CACNA1E: variants seen among roughly 807,000 people sequenced by gnomAD.
CACNA1E encodes voltage-dependent R-type calcium channel subunit alpha-1E.
CACNA1E carries 40 observed loss-of-function variants against 259.2 expected under a neutral mutation model. The ratio of observed to expected loss-of-function variants is 0.15; its 90% CI spans 0.12 to 0.20. The LOEUF is 0.20. Ranked by LOEUF, CACNA1E falls within the 10% of genes least tolerant of loss-of-function variation. CACNA1E has a pLI of 1.00. For synonymous variants in CACNA1E, 1,104 were observed against 1,138.5 expected (o/e 0.97, Z 0.61); for missense variants, 1,874 against 3,040.1 (o/e 0.62, Z 9.02).
At chr1:181,575,957 T>C (rs1217039899) in intron 3 of CACNA1E, among the ~76,000 whole-genome samples, 1 of 152,224 alleles carries the variant, frequency 6.6e-6, no homozygotes, top group African/African-American at 2.4e-5. Flanking sequence ...CTATGTTGCT[T>C]CTCGTTCTTT....
At chr1:181,491,140 T>C (rs377731589) in intron 1 of CACNA1E, among the ~76,000 whole-genome samples, 8 of 152,368 alleles carry the variant, frequency 5.3e-5, no homozygotes, top group African/African-American at 4.8e-5. Flanking sequence ...ACTAACGTCC[T>C]GGCAATTTCC....
chr1:181,572,833 A>G (rs1313155655), intron 3 of CACNA1E, among the ~76,000 whole-genome samples: 5 of 152,194 alleles, frequency 3.3e-5, no homozygotes, highest in East Asian at 3.8e-4. Context: ...GGAGAGGTGC[A>G]TGGAGTCTGG....
chr1:181,655,174 T>C (rs1005837282), intron 7 of CACNA1E, among the ~76,000 whole-genome samples: 2 of 152,074 alleles, frequency 1.3e-5, no homozygotes, highest in Non-Finnish European at 2.9e-5. Context: ...TTATTTTACT[T>C]TAATGATAAT....
At chr1:181,404,947 G>C (rs950999578) in intron 1 of CACNA1E, among the ~76,000 whole-genome samples, 2 of 152,194 alleles carry the variant, frequency 1.3e-5, no homozygotes, top group African/African-American at 4.8e-5. Flanking sequence ...CCAGCTTTGG[G>C]CTTTGTTCTT....
chr1:181,523,309 G>A (rs978293158), intron 3 of CACNA1E, among the ~76,000 whole-genome samples: 2 of 152,206 alleles, frequency 1.3e-5, no homozygotes, highest in African/African-American at 4.8e-5. Context: ...TACAAGCACT[G>A]GCTGTTTCCT....
At chr1:181,435,891 C>A (rs1660051461) in intron 2 of CACNA1E, among the ~76,000 whole-genome samples, 2 of 152,056 alleles carry the variant, frequency 1.3e-5, no homozygotes, top group South Asian at 4.1e-4. Context: ...AGATATTTTG[C>A]AATAAAATGC....
At chr1:181,751,674 G>A (rs1229854770) in intron 26 of CACNA1E, among the ~76,000 whole-genome samples, 1 of 152,196 alleles carries the variant, frequency 6.6e-6, no homozygotes, top group East Asian at 1.9e-4. Context: ...CATCAATTCA[G>A]CGAATATCAT....
chr1:181,332,773 C>T lies in CACNA1E; in HGVS notation c.-15+14650C>T, dbSNP rs116505218. ...ATTATTAACCTTTGTAGTCATAGAACCCTTTGAAAATCTGATGAAAGCTAT... is the reference window on the plus strand; with the variant it reads ...ATTATTAACCTTTGTAGTCATAGAATCCTTTGAAAATCTGATGAAAGCTAT... On this transcript the variant is annotated intron_variant, in intron 1 of 11. Coordinates refer to the CACNA1E transcript ENST00000524607. Among the ~76,000 whole-genome samples the T allele has an allele frequency of 5.4e-3, 815 of 152,204 alleles. 8 individuals are homozygous for T. Among genetic ancestry groups the T allele is most frequent in the African/African-American group, 0.018 (765 of 41,504 alleles).
chr1:181,506,897 C>T (rs557458524), intron 1 of CACNA1E, among the ~76,000 whole-genome samples: 1 of 152,234 alleles, frequency 6.6e-6, no homozygotes, highest in Non-Finnish European at 1.5e-5. Flanking sequence ...CATTCTTTCA[C>T]CTAGCCCACA....
At chr1:181,673,452 T>C (rs1262633781) in intron 7 of CACNA1E, among the ~76,000 whole-genome samples, 3 of 152,188 alleles carry the variant, frequency 2.0e-5, no homozygotes, top group Non-Finnish European at 4.4e-5. Context: ...CCCGAGGGGA[T>C]ATGGGGTGGC....
At chr1:181,739,111 T>C (rs1656326790) in intron 24 of CACNA1E, 36 bp from the exon 25 acceptor site, 8 of 1,286,796 alleles carry the variant, frequency 6.2e-6, no homozygotes, top group African/African-American at 1.5e-5. Context: ...GCCCACACTT[T>C]CTTGGCTCAC....
intron 7 of CACNA1E, among the ~76,000 whole-genome samples, chr1:181,690,408 A>G (rs1475717951): frequency 6.6e-6 from 1 of 152,132 alleles, no homozygotes; most frequent in Non-Finnish European, 1.5e-5. Context: ...GTCAGGTAGC[A>G]TGATGCCTCT....
rs200113695 is a variant in CACNA1E at position 181,796,818 on chromosome 1, G to A, written c.6359G>A (p.Arg2120Lys). The change falls in exon 47 of 48, where the codon AGG becomes AAG. Residue 2120 changes from arginine to lysine, a missense_variant. Around this residue, in one of 14 missense-constraint regions of CACNA1E, gnomAD observed 542 missense variants for 587.2 expected, o/e 0.92. Coordinates refer to ENST00000367573, the MANE Select transcript of CACNA1E (RefSeq NM_001205293.3). ...DWESPERRQS[R>K]SPSEGRSQTP... ...GAGTCCCCAGAGCGCCGTCAATCCA[G>A]GTCACCCAGTGAGGGCAGGTCACAG... The A allele has an allele frequency of 4.5e-4, 726 of 1,608,906 alleles. 7 individuals are homozygous for A. In the Middle Eastern group the frequency reaches 8.4e-3, roughly 19 times the overall value.
At chr1:181,575,024 CA>C (rs55919598) in intron 3 of CACNA1E, among the ~76,000 whole-genome samples, 63,584 of 147,424 alleles carry the variant, frequency 0.43, 14,482 homozygotes, top group East Asian at 0.66. Context: ...GACTCTGTCT[CA>C]AAAAAAAAAA....
chr1:181,630,589 G>A (rs574291085), intron 6 of CACNA1E, among the ~76,000 whole-genome samples: 49 of 152,124 alleles, frequency 3.2e-4, no homozygotes, highest in Middle Eastern at 3.4e-3. Flanking sequence ...CTGGAATCCT[G>A]AACACACTCC....
chr1:181,665,306 A>G (rs557148565), intron 7 of CACNA1E, among the ~76,000 whole-genome samples: 49 of 152,286 alleles, frequency 3.2e-4, no homozygotes, highest in African/African-American at 1.2e-3. Flanking sequence ...CATATACTCC[A>G]GGATTTGTCC....
chr1:181,674,466 G>A (rs1649167947), intron 7 of CACNA1E, among the ~76,000 whole-genome samples: 1 of 146,276 alleles, frequency 6.8e-6, no homozygotes, highest in Non-Finnish European at 1.5e-5. Flanking sequence ...CATGTCTGAT[G>A]TCACAGAGTT....
intron 6 of CACNA1E, among the ~76,000 whole-genome samples, chr1:181,599,335 T>C (rs1250891988): frequency 6.6e-6 from 1 of 152,230 alleles, no homozygotes; most frequent in Non-Finnish European, 1.5e-5. Flanking sequence ...ATGGTGTATA[T>C]GTACCACATT....
At chr1:181,637,382 C>T (rs184557406) in intron 6 of CACNA1E, among the ~76,000 whole-genome samples, 4 of 152,142 alleles carry the variant, frequency 2.6e-5, no homozygotes, top group Non-Finnish European at 5.9e-5. Context: ...TTAACTCACT[C>T]TTGGGGAAAT....
Sources: allele counts gnomAD v4.1 joint callset (sites outside exome capture counted in the v4.1 genomes callset), GRCh38; gene constraint gnomAD v4.1.1; regional missense constraint gnomAD v4.1.1; transcripts MANE v1.5; gene names NCBI Gene and HGNC (gene_info 2026-07-23, HGNC 2026-07-21).